The following SP140L variants were observed in gnomAD, a reference collection of about 807,000 sequenced individuals.
SP140L encodes nuclear body protein SP140-like protein.
A neutral mutation model predicts 84.3 loss-of-function variants in SP140L; 64 were observed. The observed-to-expected ratio is 0.76, with a 90% confidence interval of 0.62 to 0.94. The LOEUF is 0.94. Ranked by LOEUF, SP140L falls within the 40% of genes least tolerant of loss-of-function variation. The pLI, the probability that SP140L is intolerant of heterozygous loss-of-function variation, is 0.00. For synonymous variants in SP140L, 242 were observed against 236.9 expected (o/e 1.02, Z -0.20); for missense variants, 628 against 692.5 (o/e 0.91, Z 1.05).
chr2:230,377,494 G>A (rs1575506968), intron 7 of SP140L, among the ~76,000 whole-genome samples: 1 of 152,078 alleles, frequency 6.6e-6, no homozygotes, highest in Non-Finnish European at 1.5e-5. Flanking sequence ...GTTTTTCATC[G>A]CTGAGAAGTA....
At chr2:230,391,988 A>T (rs556457772) in intron 11 of SP140L, 99 bp from the exon 12 acceptor site, 1 of 1,525,388 alleles carries the variant, frequency 6.6e-7, no homozygotes, top group Admixed American at 1.8e-5. Flanking sequence ...ATTGATCTTC[A>T]TCACAAATTG....
At chr2:230,366,604 A>G (rs996915063) in intron 5 of SP140L, among the ~76,000 whole-genome samples, 1 of 151,466 alleles carries the variant, frequency 6.6e-6, no homozygotes, top group Admixed American at 6.6e-5. Flanking sequence ...TGGAGAATTT[A>G]ATCCATACTT....
At chr2:230,386,888 C>A (rs1438970760) in intron 9 of SP140L, among the ~76,000 whole-genome samples, 2 of 152,320 alleles carry the variant, frequency 1.3e-5, no homozygotes, top group East Asian at 3.9e-4. Flanking sequence ...AGTGCCAAGC[C>A]TGGCTGGAAT....
chr2:230,348,944 G>C (rs1036255521), intron 2 of SP140L, among the ~76,000 whole-genome samples: 1 of 152,230 alleles, frequency 6.6e-6, no homozygotes, highest in African/African-American at 2.4e-5. Context: ...AACAGTGAAA[G>C]CAGAACACTA....
intron 7 of SP140L, among the ~76,000 whole-genome samples, chr2:230,377,920 G>A (rs924171981): frequency 2.0e-5 from 3 of 152,006 alleles, no homozygotes; most frequent in African/African-American, 7.3e-5. Flanking sequence ...AAGAACCTAT[G>A]TTTTCTTCAA....
chr2:230,387,288 A>T (rs2061624347), intron 9 of SP140L, among the ~76,000 whole-genome samples: 1 of 152,200 alleles, frequency 6.6e-6, no homozygotes, highest in African/African-American at 2.4e-5. Flanking sequence ...CTCTTCTTTG[A>T]GTGCCTGTTA....
At chr2:230,337,068 C>T (rs1275657360) in intron 2 of SP140L, among the ~76,000 whole-genome samples, 1 of 152,222 alleles carries the variant, frequency 6.6e-6, no homozygotes, top group Admixed American at 6.5e-5. Flanking sequence ...GGAATCGCCA[C>T]ACTGACTTCC....
chr2:230,358,062 A>G, intron 3 of SP140L, 95 bp downstream of exon 3: 1 of 1,422,404 alleles, frequency 7.0e-7, no homozygotes, highest in Non-Finnish European at 9.7e-7. Flanking sequence ...GGAGAGGAGA[A>G]GCAGAGGTCA....
chr2:230,343,105 G>C (rs1298681625), intron 2 of SP140L, among the ~76,000 whole-genome samples: 3 of 117,708 alleles, frequency 2.5e-5, no homozygotes, highest in Admixed American at 8.5e-5. Flanking sequence ...CAACTTTTAA[G>C]TTCAGGGGTA....
chr2:230,354,235 A>G (rs59191607), intron 2 of SP140L, among the ~76,000 whole-genome samples: 18,826 of 152,170 alleles, frequency 0.12, 1,213 homozygotes, highest in Middle Eastern at 0.15. Flanking sequence ...ATAAGAGAAG[A>G]CTTTGGAAAT....
intron 1 of SP140L, 120 bp from the exon 2 acceptor site, chr2:230,328,635 TTC>T (rs1246318307): frequency 8.0e-7 from 1 of 1,252,238 alleles, no homozygotes; most frequent in African/African-American, 1.5e-5. Flanking sequence ...GATTATATAT[TTC>T]TCTTTTTTTT....
chr2:230,399,469 C>T (rs2149831772), intron 14 of SP140L, among the ~76,000 whole-genome samples: 1 of 152,272 alleles, frequency 6.6e-6, no homozygotes, highest in Non-Finnish European at 1.5e-5. Context: ...AGAGATGACA[C>T]CTTTGCACCT....
intron 2 of SP140L, among the ~76,000 whole-genome samples, chr2:230,340,915 G>T (rs1380166918): frequency 2.6e-4 from 38 of 147,778 alleles, no homozygotes; most frequent in Non-Finnish European, 4.7e-4. Context: ...CTCTCTGGCT[G>T]CCCTTAACAT....
intron 2 of SP140L, among the ~76,000 whole-genome samples, chr2:230,337,387 G>A (rs1291674683): frequency 2.0e-5 from 3 of 152,144 alleles, no homozygotes; most frequent in African/African-American, 7.2e-5. Context: ...GTAGATTCTG[G>A]ATATTAACCC....
At chr2:230,386,480 C>T (rs2061586004) in intron 9 of SP140L, among the ~76,000 whole-genome samples, 2 of 152,158 alleles carry the variant, frequency 1.3e-5, no homozygotes, top group African/African-American at 2.4e-5. Context: ...TATTTTAAAA[C>T]AACTTTAAAT....
intron 1 of SP140L, among the ~76,000 whole-genome samples, chr2:230,328,353 A>AT (rs1322511706): frequency 2.6e-5 from 4 of 152,230 alleles, no homozygotes; most frequent in African/African-American, 7.2e-5. Flanking sequence ...ATTTACGTGT[A>AT]TGAAGTATGT....
chr2:230,400,288 C>A, intron 15 of SP140L, 46 bp downstream of exon 15: 1 of 1,580,264 alleles, frequency 6.3e-7, no homozygotes, highest in Non-Finnish European at 8.7e-7. Context: ...AAGGGACCTT[C>A]CACCTGCCAT....
Position 230,385,313 on chromosome 2 carries a change from A to T in SP140L, c.784+9A>T. 6.2e-7 allele frequency: 1 copy of T among 1,613,194 alleles called. No individual in the cohort carries two copies. Among genetic ancestry groups the T allele is most frequent in the Admixed American group, 1.7e-5 (1 of 59,986 alleles). On this transcript the variant is annotated intron_variant, in intron 9 of 18. Coordinates refer to ENST00000415673, the MANE Select transcript of SP140L (RefSeq NM_138402.6). Reference sequence around the variant, plus strand: ...CCTTTCCAAGATTAGGGGTAAGATAAAGTTGGTACCACTTTTCATTTGCCC... The same window carrying T: ...CCTTTCCAAGATTAGGGGTAAGATATAGTTGGTACCACTTTTCATTTGCCC...
intron 2 of SP140L, among the ~76,000 whole-genome samples, chr2:230,340,376 A>T (rs1314664387): frequency 1.4e-5 from 2 of 148,144 alleles, no homozygotes; most frequent in African/African-American, 2.5e-5. Flanking sequence ...ATTTTGAGCC[A>T]ATGTGTGTCT....
Sources: gnomAD v4.1 joint callset for allele counts (sites outside exome capture counted in the v4.1 genomes callset) on GRCh38, gnomAD v4.1.1 for gene constraint, MANE v1.5 for transcripts, NCBI Gene and HGNC (gene_info 2026-07-23, HGNC 2026-07-21) for gene names.